Variants in SPAG16 observed in about 807,000 individuals in gnomAD.
SPAG16 encodes sperm associated antigen 16.
SPAG16 carries 86 observed loss-of-function variants against 80.4 expected under a neutral mutation model. The ratio of observed to expected loss-of-function variants is 1.07; its 90% CI spans 0.90 to 1.28. SPAG16 has a LOEUF of 1.28. Among genes scored for constraint, SPAG16 ranks in the 50% most tolerant of loss-of-function variants. The probability of loss-of-function intolerance (pLI) is 0.00; values close to 1 mark genes in which losing one functional copy is unlikely to be tolerated. For missense variants in SPAG16, 870 were observed against 765.3 expected (o/e 1.14, Z -1.61); for synonymous variants, 294 against 265.9 (o/e 1.11, Z -1.03).
At chr2:214,343,170 G>T (rs1027586635) in intron 15 of SPAG16, among the ~76,000 whole-genome samples, 1 of 152,120 alleles carries the variant, frequency 6.6e-6, no homozygotes, top group Admixed American at 6.6e-5. Flanking sequence ...ATTAGTGGAA[G>T]TAGAAAGAAG....
chr2:213,575,908 C>T (rs1486054630), intron 10 of SPAG16, among the ~76,000 whole-genome samples: 1 of 152,044 alleles, frequency 6.6e-6, no homozygotes, highest in Admixed American at 6.6e-5. Flanking sequence ...TGTAAGATTA[C>T]TTAATTGATT....
At position 214,307,232 on chromosome 2, in the gene SPAG16, C is replaced by T. The variant is rs186951372; in HGVS notation, c.1721-102908C>T. ...ATTTCTGTGGGGTCAATGGTAATAT[C>T]CCCCTTTTTTGTTTCTGATTGTGAT... On this transcript the variant is annotated intron_variant, in intron 15 of 15. Transcript: ENST00000331683. Among the ~76,000 whole-genome samples, 273 of 152,082 alleles carry T rather than the reference C, an allele frequency of 1.8e-3. 2 individuals are homozygous for T. Among genetic ancestry groups the T allele is most frequent in the African/African-American group, 6.0e-3 (247 of 41,480 alleles).
chr2:213,348,663 C>A (rs1344824893), intron 6 of SPAG16, among the ~76,000 whole-genome samples: 1 of 152,154 alleles, frequency 6.6e-6, no homozygotes, highest in Non-Finnish European at 1.5e-5. Context: ...ATATGAAATT[C>A]TGGGTTGAAA....
chr2:214,390,876 A>C (rs1309744957), intron 15 of SPAG16, among the ~76,000 whole-genome samples: 2 of 152,214 alleles, frequency 1.3e-5, no homozygotes, highest in Non-Finnish European at 2.9e-5. Context: ...TACAAAATTG[A>C]TAGGCAGAAA....
intron 14 of SPAG16, among the ~76,000 whole-genome samples, chr2:214,144,924 A>C (rs2055561706): frequency 6.6e-6 from 1 of 152,056 alleles, no homozygotes; most frequent in Non-Finnish European, 1.5e-5. Context: ...TAGAGATGCA[A>C]TATAAAGACA....
chr2:213,700,211 T>C (rs1185092736), intron 10 of SPAG16, among the ~76,000 whole-genome samples: 1 of 151,614 alleles, frequency 6.6e-6, no homozygotes, highest in East Asian at 1.9e-4. Flanking sequence ...CTAGAATTTT[T>C]GACTGCTAAA....
chr2:213,582,812 G>C (rs926852410), intron 10 of SPAG16, among the ~76,000 whole-genome samples: 2 of 152,110 alleles, frequency 1.3e-5, no homozygotes, highest in Non-Finnish European at 2.9e-5. Context: ...GCAATAAATA[G>C]AATGTTCATT....
intron 15 of SPAG16, among the ~76,000 whole-genome samples, chr2:214,355,084 G>C (rs13023832): frequency 2.0e-5 from 3 of 151,636 alleles, no homozygotes; most frequent in African/African-American, 4.8e-5. Context: ...GAAAACCTAC[G>C]CATTACCATT....
intron 15 of SPAG16, among the ~76,000 whole-genome samples, chr2:214,160,902 G>A (rs768596439): frequency 1.3e-5 from 2 of 151,584 alleles, no homozygotes; most frequent in Non-Finnish European, 2.9e-5. Flanking sequence ...TTTCCTATAA[G>A]CCCCTTGCTA....
intron 10 of SPAG16, among the ~76,000 whole-genome samples, chr2:213,643,386 ATATATATATATATATATATATATATT>A (rs1306027651): frequency 3.8e-4 from 28 of 73,506 alleles, no homozygotes; most frequent in Non-Finnish European, 4.9e-4. Flanking sequence ...ATATATATAT[ATATATATATATATATATATATATATT>A]TTATCTCTTG....
At chr2:213,289,157 G>A (rs1436220828) in intron 1 of SPAG16, among the ~76,000 whole-genome samples, 1 of 152,214 alleles carries the variant, frequency 6.6e-6, no homozygotes, top group Admixed American at 6.5e-5. Flanking sequence ...GCTTCCTGGT[G>A]CTGCGGTTGC....
intron 10 of SPAG16, among the ~76,000 whole-genome samples, chr2:213,588,267 A>G (rs545774215): frequency 2.0e-5 from 3 of 152,292 alleles, no homozygotes; most frequent in African/African-American, 7.2e-5. Flanking sequence ...CTTTTCTAAC[A>G]GAGCATTTAT....
chr2:213,520,982 T>A (rs531814768), intron 10 of SPAG16, among the ~76,000 whole-genome samples: 23 of 152,270 alleles, frequency 1.5e-4, no homozygotes, highest in African/African-American at 4.8e-4. Context: ...TGCCAGGGGA[T>A]GTCTGGGGCT....
chr2:214,200,769 A>G (rs34807287), intron 15 of SPAG16, among the ~76,000 whole-genome samples: 425 of 152,346 alleles, frequency 2.8e-3, no homozygotes, highest in Middle Eastern at 0.014. Flanking sequence ...TGAGAAAACA[A>G]TTAATTTTAA....
chr2:214,234,659 C>T (rs1688952010), intron 15 of SPAG16, among the ~76,000 whole-genome samples: 1 of 151,960 alleles, frequency 6.6e-6, no homozygotes. Context: ...AGCTTTTTTT[C>T]ATATGTTTGT....
chr2:214,270,133 C>T (rs185702416), intron 15 of SPAG16, among the ~76,000 whole-genome samples: 36 of 152,246 alleles, frequency 2.4e-4, no homozygotes, highest in Non-Finnish European at 4.4e-4. Context: ...CAAGATCATG[C>T]ACTTAAAAAT....
At chr2:213,731,270 C>T (rs2067026372) in intron 10 of SPAG16, among the ~76,000 whole-genome samples, 1 of 149,738 alleles carries the variant, frequency 6.7e-6, no homozygotes, top group South Asian at 2.1e-4. Flanking sequence ...GATTCTCCTG[C>T]CTCAGCCTCC....
chr2:213,833,538 TAATATATATAATATATATAATATATATA>T (rs2073881527), intron 10 of SPAG16, among the ~76,000 whole-genome samples: 1 of 382 alleles, frequency 2.6e-3, no homozygotes, highest in African/African-American at 5.1e-3. Context: ...ATATTATATA[TAATATATATAATATATATAATATATATA>T]ATATATATAT....
chr2:214,189,719 G>C (rs550519223), intron 15 of SPAG16, among the ~76,000 whole-genome samples: 1 of 151,824 alleles, frequency 6.6e-6, no homozygotes, highest in Admixed American at 6.6e-5. Flanking sequence ...AAATACTCTA[G>C]GGAAGAGAAA....
Sources: gnomAD v4.1 joint callset for allele counts (sites outside exome capture counted in the v4.1 genomes callset) on GRCh38, gnomAD v4.1.1 for gene constraint, MANE v1.5 for transcripts, NCBI Gene and HGNC (gene_info 2026-07-23, HGNC 2026-07-21) for gene names.